ARGFX: variants seen among roughly 807,000 people sequenced by gnomAD.
ARGFX encodes the protein arginine-fifty homeobox.
ARGFX carries 10 observed loss-of-function variants against 8.0 expected under a neutral mutation model. The ratio of observed to expected loss-of-function variants is 1.25; its 90% CI spans 0.77 to 2.12. ARGFX has a LOEUF of 2.12. Ranked by LOEUF, ARGFX falls within the 30% of genes most tolerant of loss-of-function variation. The pLI is 0.00. For missense variants in ARGFX, 282 were observed against 324.3 expected (o/e 0.87, Z 1.00); for synonymous variants, 116 against 117.8 (o/e 0.98, Z 0.10).
chr3:121,584,827 G>A (rs2048801588), intron 3 of ARGFX, 90 bp from the exon 4 acceptor site: 3 of 1,435,730 alleles, frequency 2.1e-6, no homozygotes, highest in African/African-American at 2.8e-5. Context: ...ATTCACCATG[G>A]TGATTTGTTT....
At chr3:121,575,495 G>A (rs1312674742) in intron 2 of ARGFX, among the ~76,000 whole-genome samples, 1 of 152,098 alleles carries the variant, frequency 6.6e-6, no homozygotes, top group Non-Finnish European at 1.5e-5. Context: ...GGCTAGTCCA[G>A]GCTTGGAGGG....
intron 2 of ARGFX, among the ~76,000 whole-genome samples, chr3:121,571,730 A>ATTTTTTTTTTTTTT (rs1173636701): frequency 5.6e-5 from 6 of 107,082 alleles, no homozygotes; most frequent in Non-Finnish European, 7.3e-5. Flanking sequence ...TGCCCGGCAA[A>ATTTTTTTTTTTTTT]TTTTTTTTTT....
chr3:121,580,485 G>A (rs2048771432), intron 3 of ARGFX, among the ~76,000 whole-genome samples: 1 of 150,968 alleles, frequency 6.6e-6, no homozygotes, highest in Non-Finnish European at 1.5e-5. Flanking sequence ...CCTCTCTGAG[G>A]TTGTCATTGC....
intron 3 of ARGFX, among the ~76,000 whole-genome samples, chr3:121,578,702 G>C (rs531426953): frequency 6.9e-6 from 1 of 144,468 alleles, no homozygotes; most frequent in Non-Finnish European, 1.5e-5. Flanking sequence ...ACAGAGTCTC[G>C]CTCTGTTGCC....
At position 121,589,552 on chromosome 3, in the gene ARGFX, T is replaced by G. The variant is rs563585166; in HGVS notation, c.*2952T>G. Among the ~76,000 whole-genome samples, 82 of 152,192 alleles carry G rather than the reference T, an allele frequency of 5.4e-4. No individual in the cohort carries two copies. Among genetic ancestry groups the G allele is most frequent in the African/African-American group, 1.8e-3 (76 of 41,532 alleles). On this transcript the variant is annotated 3_prime_UTR_variant, in exon 5 of 5. Transcript: ENST00000334384. ...CCACCACACCCAGCTAATTTTTGTA[T>G]TTTTAGTAGGGACAGGTTTTGCCAT...
At chr3:121,575,012 G>A (rs1039903340) in intron 2 of ARGFX, among the ~76,000 whole-genome samples, 2 of 152,176 alleles carry the variant, frequency 1.3e-5, no homozygotes, top group African/African-American at 4.8e-5. Flanking sequence ...ATAAGTATTT[G>A]TTGTTGTTTA....
intron 3 of ARGFX, among the ~76,000 whole-genome samples, chr3:121,582,921 G>T (rs1182492061): frequency 2.6e-5 from 4 of 151,892 alleles, no homozygotes; most frequent in Admixed American, 2.6e-4. Flanking sequence ...TCTCAGGCTG[G>T]TCTTAAATTC....
At chr3:121,568,840 G>C (rs1239429177) in intron 1 of ARGFX, among the ~76,000 whole-genome samples, 1 of 152,162 alleles carries the variant, frequency 6.6e-6, no homozygotes, top group Non-Finnish European at 1.5e-5. Flanking sequence ...CAGATGCTTA[G>C]TGAAGTTTAA....
intron 2 of ARGFX, 124 bp from the exon 3 acceptor site, chr3:121,576,660 C>T (rs2108835869): frequency 3.1e-6 from 1 of 320,080 alleles, no homozygotes; most frequent in South Asian, 2.4e-5. Context: ...TTTATATTCT[C>T]ATTGTTCTTT....
rs942191519 is a variant in ARGFX at position 121,587,232 on chromosome 3, A to G, written c.*632A>G. Among the ~76,000 whole-genome samples, 2 of 151,914 alleles carry G rather than the reference A, an allele frequency of 1.3e-5. No homozygotes were observed. The highest frequency in any genetic ancestry group is 4.8e-5 in the African/African-American group (2 of 41,352). ...ATGCCTGGCTAACTTTTGTATTTTT[A>G]GTAGAGACGGGGTTTCACCACGTTG... is the stretch of plus-strand genomic sequence containing the variant. On this transcript the variant is annotated 3_prime_UTR_variant, in exon 5 of 5. Coordinates refer to ENST00000334384, the MANE Select transcript of ARGFX (RefSeq NM_001012659.2).
intron 3 of ARGFX, among the ~76,000 whole-genome samples, chr3:121,578,668 T>A (rs2048758848): frequency 1.4e-5 from 2 of 146,116 alleles, no homozygotes; most frequent in Admixed American, 1.4e-4. Flanking sequence ...AAGTATAGTT[T>A]TATCTTTTTT....
Position 121,586,483 on chromosome 3 carries a change from C to T in ARGFX, c.831C>T (p.Gly277=). ...SLSIFAGPAV[G]LSPAQTWPNM... is the part of the protein sequence containing the mutation. The stretch of plus-strand genomic sequence containing the variant: ...GCATCTTTGCTGGTCCAGCTGTAGG[C>T]CTATCTCCTGCACAAACCTGGCCCA... Residue 277 remains glycine, a synonymous_variant, in exon 5 of 5, where the codon GGC becomes GGT. Coordinates refer to ENST00000334384, the MANE Select transcript of ARGFX (RefSeq NM_001012659.2). 1 of 1,614,160 alleles carries T rather than the reference C, an allele frequency of 6.2e-7. No homozygotes were observed. Among genetic ancestry groups the T allele is most frequent in the Non-Finnish European group, 8.5e-7 (1 of 1,180,018 alleles).
intron 3 of ARGFX, among the ~76,000 whole-genome samples, 158 bp from the exon 4 acceptor site, chr3:121,584,759 A>G (rs1478760737): frequency 6.6e-6 from 1 of 152,194 alleles, no homozygotes; most frequent in Non-Finnish European, 1.5e-5. Context: ...ATTCAGACTC[A>G]AGACCTGGGA....
At chr3:121,573,006 C>A (rs2048717627) in intron 2 of ARGFX, among the ~76,000 whole-genome samples, 1 of 152,056 alleles carries the variant, frequency 6.6e-6, no homozygotes, top group Admixed American at 6.6e-5. Flanking sequence ...TGGATCAAGT[C>A]CTAAACACAA....
rs1278145039 is a variant in ARGFX at position 121,586,830 on chromosome 3, A to C, written c.*230A>C. Reference sequence around the variant, plus strand: ...CCCTTTCATGGCCAATGAGACTCCAAAATTCCCTTCCCAAAACTATCTTGG... The same window carrying C: ...CCCTTTCATGGCCAATGAGACTCCACAATTCCCTTCCCAAAACTATCTTGG... On this transcript the variant is annotated 3_prime_UTR_variant, in exon 5 of 5. Transcript: ENST00000334384. 6.6e-6 allele frequency among the ~76,000 whole-genome samples: 1 copy of C among 152,108 alleles called. No homozygotes were observed. The highest frequency in any genetic ancestry group is 1.9e-4 in the East Asian group (1 of 5,192).
In ARGFX at chr3:121,583,964, C is replaced by G. The variant is rs189232575; in HGVS notation, c.221-953C>G. ...CCAAGGCAGGAGGATCACTTGAGCC[C>G]AGGAGTTCAACATCAGCCTGAGCAA... On this transcript the variant is annotated intron_variant, in intron 3 of 4. Transcript: ENST00000334384. Among the ~76,000 whole-genome samples, 236 of 152,204 alleles carry G rather than the reference C, an allele frequency of 1.6e-3. 2 individuals carry two copies. The highest frequency in any genetic ancestry group is 5.4e-3 in the Admixed American group (83 of 15,266).
intron 4 of ARGFX, 93 bp downstream of exon 4, chr3:121,585,158 A>T: frequency 7.3e-7 from 1 of 1,362,346 alleles, no homozygotes; most frequent in Non-Finnish European, 1.0e-6. Flanking sequence ...CTGCCCCACA[A>T]TAATATTTCA....
At chr3:121,571,817 T>A (rs1333832159) in intron 2 of ARGFX, among the ~76,000 whole-genome samples, 7 of 148,684 alleles carry the variant, frequency 4.7e-5, no homozygotes, top group Non-Finnish European at 1.0e-4. Flanking sequence ...CTCCTGACCT[T>A]TAGGGTTTTG....
chr3:121,572,521 C>T (rs1560119028), intron 2 of ARGFX, among the ~76,000 whole-genome samples: 1 of 152,044 alleles, frequency 6.6e-6, no homozygotes, highest in Non-Finnish European at 1.5e-5. Flanking sequence ...GCTGGGATTA[C>T]AGGCATGAGC....
Sources: allele counts gnomAD v4.1 joint callset (sites outside exome capture counted in the v4.1 genomes callset), GRCh38; gene constraint gnomAD v4.1.1; transcripts MANE v1.5; gene names NCBI Gene and HGNC (gene_info 2026-07-23, HGNC 2026-07-21).